Variants in MYO5A observed in about 807,000 individuals in gnomAD.
MYO5A encodes the protein unconventional myosin-Va.
In MYO5A, 98 loss-of-function variants were observed where a neutral mutation model predicts 249.7. That is an observed-to-expected ratio of 0.39 (90% CI 0.33 to 0.46). The LOEUF is 0.46. Among genes scored for constraint, MYO5A ranks in the 20% least tolerant of loss-of-function variants. MYO5A has a pLI of 0.98. For synonymous variants in MYO5A, 778 were observed against 810.6 expected (o/e 0.96, Z 0.68); for missense variants, 1,696 against 2,308.8 (o/e 0.73, Z 5.44).
chr15:52,528,931 G>C (rs934740824), upstream of MYO5A: 5 of 810,022 alleles, frequency 6.2e-6, no homozygotes, highest in South Asian at 2.8e-4. Context: ...AGGGCCGGGC[G>C]GGGAGGGCCG....
At position 52,397,278 on chromosome 15, in the gene MYO5A, C is replaced by A. The variant is rs1254911330; in HGVS notation, c.1242G>T (p.Trp414Cys). Residue 414 changes from tryptophan (W) to cysteine (C), a missense_variant, in exon 10 of 42, where the codon TGG (tryptophan) becomes TGT (cysteine). By Grantham distance (215) the Trp-to-Cys change is radical (BLOSUM62 -2). Coordinates refer to ENST00000399233, the MANE Select transcript of MYO5A (RefSeq NM_001382347.1). ...AKHIYAKLFN[W>C]IVDNVNQALH... The stretch of plus-strand genomic sequence containing the variant: ...GAGCCTGATTGACATTATCTACAAT[C>A]CAGTTAAAGAGCTTGGCATAGATGT... The A allele has an allele frequency of 6.2e-7, 1 of 1,614,068 alleles. No homozygotes were observed. Among genetic ancestry groups the A allele is most frequent in the Admixed American group, 1.7e-5 (1 of 60,008 alleles).
At chr15:52,391,783 T>G in intron 12 of MYO5A, 147 bp downstream of exon 12, 2 of 741,578 alleles carry the variant, frequency 2.7e-6, no homozygotes, top group South Asian at 3.4e-5. Context: ...TGGGGTCTAG[T>G]GTCCCTTTGG....
chr15:52,319,247 T>C lies in MYO5A; in HGVS notation c.5047A>G (p.Thr1683Ala). The change falls in exon 39 of 42, where the codon ACC becomes GCC. Residue 1683 changes from threonine (T) to alanine (A), a missense_variant. This residue lies in a region of MYO5A where 625 missense variants were observed against 908.1 expected (regional missense o/e 0.69). Coordinates refer to ENST00000399233, the MANE Select transcript of MYO5A (RefSeq NM_001382347.1). ...KRTSSIADEG[T>A]YTLDSILRQL... ...CGGAGGATGGAGTCCAGTGTGTAGG[T>C]GCCCTCATCGGCGATACTGGAGGTT... 3 of 1,614,116 alleles carry C rather than the reference T, an allele frequency of 1.9e-6. No individual in the cohort carries two copies. The East Asian group carries it at 6.7e-5, about 36-fold the overall frequency.
intron 9 of MYO5A, among the ~76,000 whole-genome samples, chr15:52,404,762 G>A (rs2042923092): frequency 6.6e-6 from 1 of 152,138 alleles, no homozygotes. Context: ...CCAGGAGAGA[G>A]AAACAGCCTG....
intron 1 of MYO5A, among the ~76,000 whole-genome samples, chr15:52,471,621 C>CACACACA (rs1567158075): frequency 3.0e-5 from 1 of 33,062 alleles, no homozygotes; most frequent in African/African-American, 9.6e-5. Context: ...ACACACACAC[C>CACACACA]CCAAACAAAA....
At position 52,372,358 on chromosome 15, in the gene MYO5A, G is replaced by T. The variant is rs543908924; in HGVS notation, c.2583C>A (p.Leu861=). 1.2e-6 allele frequency: 2 copies of T among 1,601,310 alleles called. No individual in the cohort carries two copies. The highest frequency in any genetic ancestry group is 2.2e-5 in the South Asian group (2 of 91,028). Reference sequence around the variant, plus strand: ...GAATGATGACTGCTTTGTGCTCACGGAGTATCTGCAGAAAAGGATAAGGGC... The same window carrying T: ...GAATGATGACTGCTTTGTGCTCACGTAGTATCTGCAGAAAAGGATAAGGGC... ...FLARNRYRKI[L]REHKAVIIQK... Residue 861 remains leucine (L), a synonymous_variant, in exon 21 of 42, where the codon CTC becomes CTA. Coordinates refer to ENST00000399233, the MANE Select transcript of MYO5A (RefSeq NM_001382347.1).
chr15:52,346,295 A>G, intron 30 of MYO5A, 66 bp downstream of exon 30: 3 of 958,384 alleles, frequency 3.1e-6, no homozygotes, highest in Admixed American at 3.9e-5. Flanking sequence ...ACTGTACAAG[A>G]GGCTGGCTTG....
At position 52,501,842 on chromosome 15, in the gene MYO5A, GCATACACA is replaced by G. The variant is rs764358470; in HGVS notation, c.27+26930_27+26937del. On this transcript the variant is annotated intron_variant, in intron 1 of 41. Coordinates refer to ENST00000399233, the MANE Select transcript of MYO5A (RefSeq NM_001382347.1). Reference sequence around the variant, plus strand: ...TCTAGTATAAACTTCCATAACATAGGCATACACACAGACACACACACACATACATATAC... The same window carrying G: ...TCTAGTATAAACTTCCATAACATAGGCAGACACACACACACATACATATAC... Among the ~76,000 whole-genome samples, 224 of 143,764 alleles carry G rather than the reference GCATACACA, an allele frequency of 1.6e-3. 2 individuals are homozygous for G. Among genetic ancestry groups the G allele is most frequent in the Admixed American group, 5.8e-3 (82 of 14,162 alleles). The allele number at this position is 143,764 out of a possible 152,430, so 94.3% of individuals were successfully genotyped here.
intron 1 of MYO5A, among the ~76,000 whole-genome samples, chr15:52,467,385 A>G (rs2076373960): frequency 6.6e-6 from 1 of 152,254 alleles, no homozygotes; most frequent in Non-Finnish European, 1.5e-5. Context: ...ATTACAAAAT[A>G]CATTTGAAAT....
Position 52,342,973 on chromosome 15 carries a change from T to G in MYO5A, c.4040+144A>C. 5.5e-6 allele frequency: 4 copies of G among 731,870 alleles called. No individual in the cohort carries two copies. In the South Asian group the frequency reaches 6.2e-5, roughly 11 times the overall value. 45.3% of individuals were successfully genotyped at this position (731,870 alleles called of 1,614,324 possible). On this transcript the variant is annotated intron_variant, in intron 31 of 41. Transcript: ENST00000399233. ...TGTTCTCAGTTTTACTGAAAAGCTTTGAACAAATAACACAATTACTAACAC... is the reference window on the plus strand; with the variant it reads ...TGTTCTCAGTTTTACTGAAAAGCTTGGAACAAATAACACAATTACTAACAC...
intron 1 of MYO5A, among the ~76,000 whole-genome samples, chr15:52,450,407 C>T (rs1197055629): frequency 1.3e-5 from 2 of 151,876 alleles, no homozygotes; most frequent in Non-Finnish European, 2.9e-5. Flanking sequence ...TGGATCACGC[C>T]TGTAATCCCA....
At chr15:52,315,892 G>C (rs137864682) in intron 40 of MYO5A, among the ~76,000 whole-genome samples, 10 of 151,828 alleles carry the variant, frequency 6.6e-5, no homozygotes, top group Non-Finnish European at 1.2e-4. Flanking sequence ...AGTTTTAATT[G>C]TATTGGGCAA....
At chr15:52,330,225 T>G in intron 35 of MYO5A, 128 bp downstream of exon 35, 1 of 1,271,364 alleles carries the variant, frequency 7.9e-7, no homozygotes. Context: ...ACTGCAGCAC[T>G]AGAATACATG....
intron 29 of MYO5A, 99 bp from the exon 30 acceptor site, chr15:52,346,560 G>A (rs1462628719): frequency 1.3e-6 from 1 of 771,066 alleles, no homozygotes; most frequent in Non-Finnish European, 2.3e-6. Context: ...GTGGTTATGT[G>A]CTCCACCATA....
chr15:52,313,862 GAA>G lies in MYO5A; in HGVS notation c.5491-16_5491-15del, dbSNP rs761703649. ...TCGTAAACGCATCTGAGAAGATTAG[GAA>G]AAAAAATAAACAGAGCATCAGTTCT... On this transcript the variant is annotated splice_polypyrimidine_tract_variant and intron_variant, in intron 41 of 41. Coordinates refer to ENST00000399233, the MANE Select transcript of MYO5A (RefSeq NM_001382347.1). The G allele has an allele frequency of 1.2e-6, 2 of 1,612,364 alleles. No individual in the cohort carries two copies. The highest frequency in any genetic ancestry group is 1.7e-6 in the Non-Finnish European group (2 of 1,179,358).
intron 27 of MYO5A, among the ~76,000 whole-genome samples, chr15:52,353,378 C>T (rs573809965): frequency 2.0e-5 from 3 of 152,300 alleles, no homozygotes; most frequent in East Asian, 3.9e-4. Flanking sequence ...ACCACAGCCT[C>T]GAACAGCAGC....
At chr15:52,520,650 C>T (rs1205505604) in intron 1 of MYO5A, among the ~76,000 whole-genome samples, 1 of 152,172 alleles carries the variant, frequency 6.6e-6, no homozygotes, top group African/African-American at 2.4e-5. Context: ...TTTCTTCCAA[C>T]TAAAACAGCT....
In MYO5A at chr15:52,397,442, A is replaced by C; in HGVS notation, c.1078T>G (p.Phe360Val). ...TAGTCCACACCCATGAGTTCACAGA[A>C]GATGCAGAGAGGTTCATGCTTGGGC... ...IPPKHEPLCI[F>V]CELMGVDYEE... The change falls in exon 10 of 42, where the codon TTC becomes GTC. Residue 360 changes from phenylalanine (F) to valine (V), a missense_variant. Phe to Val is a conservative substitution (Grantham distance 50, BLOSUM62 -1). Transcript: ENST00000399233. 1 of 1,614,088 alleles carries C rather than the reference A, an allele frequency of 6.2e-7. No individual in the cohort carries two copies. The highest frequency in any genetic ancestry group is 1.1e-5 in the South Asian group (1 of 91,072).
At chr15:52,371,112 T>C (rs553392483) in intron 21 of MYO5A, among the ~76,000 whole-genome samples, 1 of 147,364 alleles carries the variant, frequency 6.8e-6, no homozygotes, top group African/African-American at 2.5e-5. Context: ...GAATCTGTCC[T>C]AAAACAAAAA....
Sources: allele counts gnomAD v4.1 joint callset (sites outside exome capture counted in the v4.1 genomes callset), GRCh38; gene constraint gnomAD v4.1.1; regional missense constraint gnomAD v4.1.1; transcripts MANE v1.5; gene names NCBI Gene and HGNC (gene_info 2026-07-23, HGNC 2026-07-21).